LIN54: variants seen among roughly 807,000 people sequenced by gnomAD.
LIN54 encodes the protein lin-54 DREAM MuvB core complex component.
LIN54 carries 9 observed loss-of-function variants against 78.7 expected under a neutral mutation model. The ratio of observed to expected loss-of-function variants is 0.11; its 90% CI spans 0.07 to 0.20. The LOEUF is 0.20. Among genes scored for constraint, LIN54 ranks in the 10% least tolerant of loss-of-function variants. The pLI is 1.00. For missense variants in LIN54, 573 were observed against 889.9 expected (o/e 0.64, Z 4.53); for synonymous variants, 269 against 318.4 (o/e 0.84, Z 1.65).
chr4:82,947,249 T>TTTTTTTTC (rs1560733614), intron 4 of LIN54, among the ~76,000 whole-genome samples: 1 of 138,808 alleles, frequency 7.2e-6, no homozygotes, highest in Non-Finnish European at 1.5e-5. Flanking sequence ...TTTTTTTTTT[T>TTTTTTTTC]GAAGACAGGG....
At chr4:83,012,093 A>G, upstream of LIN54, 1 of 953,774 alleles carries the variant, frequency 1.0e-6, no homozygotes, top group Non-Finnish European at 1.2e-6. Flanking sequence ...ACCCACCCCA[A>G]TTGCTGTTTT....
chr4:83,008,654 A>G (rs1322729150), intron 1 of LIN54, among the ~76,000 whole-genome samples: 1 of 152,216 alleles, frequency 6.6e-6, no homozygotes, highest in Non-Finnish European at 1.5e-5. Context: ...CCTGGGCGAC[A>G]GAGTGAAACT....
chr4:82,946,164 G>A (rs1057326891), intron 5 of LIN54, 94 bp downstream of exon 5: 6 of 1,066,816 alleles, frequency 5.6e-6, no homozygotes, highest in Admixed American at 1.8e-5. Context: ...CAGTTGAAAT[G>A]CCACTCTTCA....
rs142178438 is a variant in LIN54, at chr4:82,998,046, G to GTATA, written c.-33+12434_-33+12437dup. ...TAATAATATATATATATACACACAC[G>GTATA]TATATATATATATACACGTATATAT... On this transcript the variant is annotated intron_variant, in intron 1 of 12. Coordinates refer to ENST00000340417, the MANE Select transcript of LIN54 (RefSeq NM_194282.4). 5.8e-3 allele frequency among the ~76,000 whole-genome samples: 797 copies of GTATA among 136,262 alleles called. 10 individuals carry two copies. The highest frequency in any genetic ancestry group is 0.031 in the East Asian group (149 of 4,764). The allele number at this position is 136,262 out of a possible 152,430, so 89.4% of individuals were successfully genotyped here.
intron 1 of LIN54, among the ~76,000 whole-genome samples, chr4:82,986,221 T>G (rs1727122423): frequency 6.6e-6 from 1 of 152,004 alleles, no homozygotes; most frequent in African/African-American, 2.4e-5. Context: ...GTTCAAGCGA[T>G]TCTCCTGCCT....
intron 2 of LIN54, among the ~76,000 whole-genome samples, chr4:82,982,180 T>G (rs1432213660): frequency 6.6e-6 from 1 of 152,194 alleles, no homozygotes; most frequent in Non-Finnish European, 1.5e-5. Context: ...TACCTTGCTC[T>G]CATAAATGAA....
intron 7 of LIN54, among the ~76,000 whole-genome samples, chr4:82,939,216 G>A (rs921007365): frequency 6.6e-6 from 1 of 152,142 alleles, no homozygotes; most frequent in African/African-American, 2.4e-5. Flanking sequence ...CTTTATAACA[G>A]CCACAGTCTT....
intron 1 of LIN54, among the ~76,000 whole-genome samples, chr4:82,987,136 C>G (rs142618539): frequency 6.6e-6 from 1 of 152,152 alleles, no homozygotes; most frequent in South Asian, 2.1e-4. Flanking sequence ...ACTAAAAATA[C>G]AAAAATTAGC....
chr4:82,947,196 CA>C (rs1432412368), intron 4 of LIN54, among the ~76,000 whole-genome samples: 20 of 97,818 alleles, frequency 2.0e-4, no homozygotes, highest in Non-Finnish European at 3.0e-4. Flanking sequence ...TTCCCTGAGT[CA>C]AAAAAAAATT....
intron 1 of LIN54, among the ~76,000 whole-genome samples, chr4:83,009,410 T>C (rs1437580425): frequency 1.3e-5 from 2 of 152,184 alleles, no homozygotes; most frequent in Non-Finnish European, 2.9e-5. Context: ...ATACACTCAA[T>C]GTCATTGACC....
At position 82,938,455 on chromosome 4, in the gene LIN54, C is replaced by G; in HGVS notation, c.1490G>C (p.Gly497Ala). 6.2e-7 allele frequency: 1 copy of G among 1,611,994 alleles called. No homozygotes were observed. The highest frequency in any genetic ancestry group is 8.5e-7 in the Non-Finnish European group (1 of 1,178,226). ...TGCCTGGGTCTGGATACCAGATGTTCCAGTAAAGGTAGAGTTGCTTGCTAT... is the reference window on the plus strand; with the variant it reads ...TGCCTGGGTCTGGATACCAGATGTTGCAGTAAAGGTAGAGTTGCTTGCTAT... ...VSIASNSTFT[G>A]TSGIQTQARL... The change falls in exon 8 of 13, where the codon GGA becomes GCA. Residue 497 changes from glycine to alanine, a missense_variant. Physicochemically the swap from Gly to Ala is moderately conservative, Grantham distance 60. Around this residue, in one of 6 missense-constraint regions of LIN54, gnomAD observed 101 missense variants for 194.2 expected, o/e 0.52. Transcript: ENST00000340417.
intron 4 of LIN54, among the ~76,000 whole-genome samples, chr4:82,953,044 T>A (rs1723968553): frequency 6.6e-6 from 1 of 152,194 alleles, no homozygotes; most frequent in Admixed American, 6.5e-5. Context: ...GTGCAATAGC[T>A]TAGGCACTCG....
In LIN54 at chr4:82,945,503, T is replaced by A. The variant is rs76043104; in HGVS notation, c.1168+755A>T. Among the ~76,000 whole-genome samples, 305 of 151,862 alleles carry A rather than the reference T, an allele frequency of 2.0e-3. 7 individuals are homozygous for A. The East Asian group carries it at 0.051, about 26-fold the overall frequency. ...GCAAAATAAAACATTTTAATCACTT[T>A]TTTTTTTTGAGATGGAATCTCGCTC... On this transcript the variant is annotated intron_variant, in intron 5 of 12. Coordinates refer to ENST00000340417, the MANE Select transcript of LIN54 (RefSeq NM_194282.4).
rs1306169497 is a variant in LIN54, at chr4:82,955,155, TG to T, written c.952-8682del. Among the ~76,000 whole-genome samples the T allele has an allele frequency of 2.6e-5, 4 of 152,144 alleles. No homozygotes were observed. In the East Asian group the frequency reaches 7.7e-4, roughly 29 times the overall value. ...GAGAGGCCGAAGGAGGCGGATCACTTGAGGTCAGGACCAGCCTGGCCAACAT... is the reference window on the plus strand; with the variant it reads ...GAGAGGCCGAAGGAGGCGGATCACTTAGGTCAGGACCAGCCTGGCCAACAT... On this transcript the variant is annotated intron_variant, in intron 4 of 12. Coordinates refer to ENST00000340417, the MANE Select transcript of LIN54 (RefSeq NM_194282.4).
chr4:83,006,305 C>T (rs962012196), intron 1 of LIN54, among the ~76,000 whole-genome samples: 8 of 151,906 alleles, frequency 5.3e-5, no homozygotes, highest in Admixed American at 3.3e-4. Flanking sequence ...AAAAATTAGC[C>T]AGACATGCTG....
chr4:83,007,484 T>C (rs758824398), intron 1 of LIN54, among the ~76,000 whole-genome samples: 1 of 152,220 alleles, frequency 6.6e-6, no homozygotes, highest in Non-Finnish European at 1.5e-5. Flanking sequence ...CATTTACTTA[T>C]AGGGTTACTG....
At chr4:82,986,413 G>C (rs1578615579) in intron 1 of LIN54, among the ~76,000 whole-genome samples, 1 of 152,076 alleles carries the variant, frequency 6.6e-6, no homozygotes, top group South Asian at 2.1e-4. Context: ...CACCATGCCC[G>C]GCCCCCTTTT....
intron 1 of LIN54, among the ~76,000 whole-genome samples, chr4:82,991,094 A>T (rs1318350588): frequency 6.7e-6 from 1 of 149,592 alleles, no homozygotes; most frequent in East Asian, 2.0e-4. Context: ...CCAGAAGTTC[A>T]AGGCTGCAGT....
At chr4:82,992,977 G>C (rs1727863048) in intron 1 of LIN54, among the ~76,000 whole-genome samples, 2 of 149,346 alleles carry the variant, frequency 1.3e-5, no homozygotes, top group Non-Finnish European at 3.0e-5. Context: ...GCAGTGAGCT[G>C]AGATCACGCC....
Sources: gnomAD v4.1 joint callset for allele counts (sites outside exome capture counted in the v4.1 genomes callset) on GRCh38, gnomAD v4.1.1 for gene constraint, gnomAD v4.1.1 regional missense constraint, MANE v1.5 for transcripts, NCBI Gene and HGNC (gene_info 2026-07-23, HGNC 2026-07-21) for gene names.